Variants in GPC5 observed in about 807,000 individuals in gnomAD.
GPC5 encodes glypican 5.
A neutral mutation model predicts 53.9 loss-of-function variants in GPC5; 47 were observed. That is an observed-to-expected ratio of 0.87 (90% confidence interval 0.69 to 1.11). The LOEUF (loss-of-function observed/expected upper bound fraction) is 1.11. Among genes scored for constraint, GPC5 ranks in the 50% most tolerant of loss-of-function variants. The pLI is 0.00. For missense variants in GPC5, 748 were observed against 713.1 expected (o/e 1.05, Z -0.56); for synonymous variants, 286 against 263.3 (o/e 1.09, Z -0.84).
intron 5 of GPC5, among the ~76,000 whole-genome samples, chr13:91,859,034 CTTT>C (rs57168055): frequency 0.012 from 1,657 of 140,652 alleles, 25 homozygotes; most frequent in Middle Eastern, 0.063. Context: ...TTATTTAGGT[CTTT>C]TTTTTTTTTT....
chr13:92,596,275 G>A (rs1883878474), intron 7 of GPC5, among the ~76,000 whole-genome samples: 1 of 151,972 alleles, frequency 6.6e-6, no homozygotes, highest in African/African-American at 2.4e-5. Context: ...AGCAATGAAA[G>A]AAACGTTGCT....
At chr13:92,031,298 C>T (rs1026902618) in intron 6 of GPC5, among the ~76,000 whole-genome samples, 1 of 152,126 alleles carries the variant, frequency 6.6e-6, no homozygotes. Flanking sequence ...ACGTCTACTT[C>T]CAACTCTGAC....
chr13:91,550,710 T>C (rs1387132702), intron 2 of GPC5, among the ~76,000 whole-genome samples: 1 of 152,094 alleles, frequency 6.6e-6, no homozygotes, highest in Non-Finnish European at 1.5e-5. Flanking sequence ...TTTGGCTATG[T>C]CCTCACCCAA....
At chr13:92,376,938 C>T (rs2043699473) in intron 7 of GPC5, among the ~76,000 whole-genome samples, 1 of 152,048 alleles carries the variant, frequency 6.6e-6, no homozygotes, top group African/African-American at 2.4e-5. Flanking sequence ...GTTGCTTGAA[C>T]CCAGGAGCGG....
chr13:92,199,985 C>A (rs1203879739), intron 7 of GPC5, among the ~76,000 whole-genome samples: 6 of 152,112 alleles, frequency 3.9e-5, no homozygotes, highest in African/African-American at 1.4e-4. Flanking sequence ...GTTAGTATGT[C>A]ATGCTGAAAA....
intron 6 of GPC5, among the ~76,000 whole-genome samples, chr13:91,974,622 A>T (rs1353807014): frequency 6.6e-6 from 1 of 152,196 alleles, no homozygotes; most frequent in African/African-American, 2.4e-5. Context: ...ATAAAAGAGG[A>T]TACAAACAAA....
chr13:92,865,492 A>C (rs1879308867), intron 7 of GPC5, among the ~76,000 whole-genome samples: 3 of 152,174 alleles, frequency 2.0e-5, no homozygotes, highest in Admixed American at 6.5e-5. Flanking sequence ...GGTGGCTGCC[A>C]GGGGATGGAT....
intron 6 of GPC5, among the ~76,000 whole-genome samples, chr13:91,952,189 C>A (rs7986363): frequency 0.06 from 7,136 of 119,366 alleles, 518 homozygotes; most frequent in African/African-American, 0.16. Context: ...CTCTCTCTCT[C>A]TGTGTGTGTG....
At chr13:91,889,905 A>G (rs1259345720) in intron 5 of GPC5, among the ~76,000 whole-genome samples, 1 of 152,236 alleles carries the variant, frequency 6.6e-6, no homozygotes, top group African/African-American at 2.4e-5. Context: ...AATGTTATCA[A>G]TCAATAGGTG....
At chr13:91,808,154 T>C (rs1391429724) in intron 5 of GPC5, among the ~76,000 whole-genome samples, 1 of 152,172 alleles carries the variant, frequency 6.6e-6, no homozygotes, top group Admixed American at 6.6e-5. Context: ...GTATGGCCCA[T>C]TGTAAAAGTT....
chr13:91,499,617 A>T (rs1489773204), intron 2 of GPC5, among the ~76,000 whole-genome samples: 1 of 152,190 alleles, frequency 6.6e-6, no homozygotes, highest in African/African-American at 2.4e-5. Context: ...CTGCTGAGCC[A>T]TGTAAATCAC....
At chr13:92,238,754 A>C (rs2139111892) in intron 7 of GPC5, among the ~76,000 whole-genome samples, 1 of 146,652 alleles carries the variant, frequency 6.8e-6, no homozygotes, top group South Asian at 2.3e-4. Flanking sequence ...GAAACACAAA[A>C]GTTTTTAATT....
intron 6 of GPC5, among the ~76,000 whole-genome samples, chr13:92,005,851 A>G (rs1314364478): frequency 1.3e-5 from 2 of 152,192 alleles, no homozygotes; most frequent in African/African-American, 4.8e-5. Flanking sequence ...TTATATCATT[A>G]TTGGGAAAGA....
At chr13:91,660,605 T>A (rs1413668339) in intron 2 of GPC5, among the ~76,000 whole-genome samples, 3 of 152,126 alleles carry the variant, frequency 2.0e-5, no homozygotes, top group Non-Finnish European at 4.4e-5. Flanking sequence ...ACCACTAAAT[T>A]TTGGGATCAT....
At chr13:91,912,976 G>C (rs1233309933) in intron 6 of GPC5, among the ~76,000 whole-genome samples, 2 of 152,082 alleles carry the variant, frequency 1.3e-5, no homozygotes, top group Non-Finnish European at 2.9e-5. Context: ...GAGACATACT[G>C]GTATAAAACA....
intron 7 of GPC5, among the ~76,000 whole-genome samples, chr13:92,348,392 G>A (rs1463137919): frequency 1.3e-5 from 2 of 151,924 alleles, no homozygotes; most frequent in Non-Finnish European, 2.9e-5. Flanking sequence ...ATAATAGTAA[G>A]TATACATATA....
At chr13:92,341,014 A>C (rs912760429) in intron 7 of GPC5, among the ~76,000 whole-genome samples, 2 of 152,154 alleles carry the variant, frequency 1.3e-5, no homozygotes, top group African/African-American at 4.8e-5. Flanking sequence ...ACTACAGTCC[A>C]TCTTCATTTT....
At chr13:91,977,929 T>C (rs2040319166) in intron 6 of GPC5, among the ~76,000 whole-genome samples, 1 of 128,764 alleles carries the variant, frequency 7.8e-6, no homozygotes. Flanking sequence ...CTTGGAAACA[T>C]AACGAGACCG....
At chr13:92,202,606 G>A (rs941082483) in intron 7 of GPC5, among the ~76,000 whole-genome samples, 3 of 152,070 alleles carry the variant, frequency 2.0e-5, no homozygotes, top group East Asian at 1.9e-4. Context: ...AATAAGAGAC[G>A]GTAATCTTTC....
Sources: gnomAD v4.1 joint callset for allele counts (sites outside exome capture counted in the v4.1 genomes callset) on GRCh38, gnomAD v4.1.1 for gene constraint, MANE v1.5 for transcripts, NCBI Gene and HGNC (gene_info 2026-07-23, HGNC 2026-07-21) for gene names.